CAMK2G: variants seen among roughly 807,000 people sequenced by gnomAD.
The protein encoded by CAMK2G is calcium/calmodulin-dependent protein kinase type II subunit gamma.
In CAMK2G, 23 loss-of-function variants were observed where a neutral mutation model predicts 88.7. That is an observed-to-expected ratio of 0.26 (90% CI 0.19 to 0.37). The LOEUF (loss-of-function observed/expected upper bound fraction) is 0.37, where lower values mean the gene tolerates loss of function less well. CAMK2G is among the 10% of genes least tolerant of loss of function. The pLI is 1.00. For missense variants in CAMK2G, 476 were observed against 780.8 expected, an observed-to-expected ratio of 0.61 and a Z score of 4.65; for synonymous variants, 263 against 294.8, an observed-to-expected ratio of 0.89 and a Z score of 1.11.
At position 73,816,760 on chromosome 10, in the gene CAMK2G, G is replaced by A. The variant is rs556263947; in HGVS notation, c.1534+263C>T. On this transcript the variant is annotated intron_variant, in intron 21 of 22. Transcript: ENST00000423381. ...AGGCGTAAGCCACCGCGCCCGGCAA[G>A]AAATAAGTGAGCTTGATTGTGGTGA... 1.5e-4 allele frequency: 213 copies of A among 1,442,152 alleles called. 3 individuals are homozygous for A. In the South Asian group the frequency reaches 2.5e-3, roughly 17 times the overall value. 89.3% of individuals were successfully genotyped at this position (1,442,152 alleles called of 1,614,324 possible).
At chr10:73,873,972 C>T (rs953753530) in intron 1 of CAMK2G, among the ~76,000 whole-genome samples, 2 of 150,318 alleles carry the variant, frequency 1.3e-5, no homozygotes, top group East Asian at 4.0e-4. Flanking sequence ...AACAGCCCCC[C>T]CACGCCCGGG....
At chr10:73,819,762 G>A in intron 18 of CAMK2G, 117 bp from the exon 19 acceptor site, 2 of 631,690 alleles carry the variant, frequency 3.2e-6, no homozygotes, top group Non-Finnish European at 2.7e-6. Flanking sequence ...CAGAGCCGGG[G>A]CAAGGGGACG....
At chr10:73,829,426 C>T (rs1281738307) in intron 14 of CAMK2G, among the ~76,000 whole-genome samples, 1 of 151,862 alleles carries the variant, frequency 6.6e-6, no homozygotes, top group African/African-American at 2.4e-5. Flanking sequence ...TCCTGAGTGG[C>T]TGGGATTACA....
intron 19 of CAMK2G, chr10:73,818,831 ACT>A (rs1283793387): frequency 4.4e-6 from 2 of 456,044 alleles, no homozygotes; most frequent in East Asian, 1.4e-4. Flanking sequence ...GTGCTTAGAA[ACT>A]CTGCAAGGAT....
rs1222651117 is a variant in CAMK2G, at chr10:73,816,832, C to T, written c.1534+191G>A. 2.6e-6 allele frequency: 4 copies of T among 1,559,168 alleles called. No individual in the cohort carries two copies. In the Admixed American group the frequency reaches 7.6e-5, roughly 29 times the overall value. On this transcript the variant is annotated intron_variant, in intron 21 of 22. Coordinates refer to ENST00000423381, the MANE Select transcript of CAMK2G (RefSeq NM_001367534.1). ...TGCAGAATGAATGGCACTTGGAGCT[C>T]AGGAGCAGGGCCTTCAAAGGTGCCT...
chr10:73,843,931 C>G (rs1402808985), intron 10 of CAMK2G, among the ~76,000 whole-genome samples: 5 of 152,190 alleles, frequency 3.3e-5, no homozygotes, highest in African/African-American at 1.2e-4. Context: ...TCAGGGGGAT[C>G]ATGGTCATCC....
chr10:73,817,867 A>G (rs2086244503), intron 19 of CAMK2G: 5 of 412,100 alleles, frequency 1.2e-5, no homozygotes, highest in Middle Eastern at 6.7e-4. Context: ...AGCCTGGTAC[A>G]TCGTGAATGC....
At chr10:73,849,447 A>G (rs1223132235) in intron 5 of CAMK2G, 114 bp from the exon 6 acceptor site, 1 of 700,686 alleles carries the variant, frequency 1.4e-6, no homozygotes, top group African/African-American at 1.8e-5. Flanking sequence ...ATTCACAGAG[A>G]ATCACTTAAC....
chr10:73,818,864 GCAGA>G (rs1305514189), intron 19 of CAMK2G: 1 of 455,906 alleles, frequency 2.2e-6, no homozygotes, highest in African/African-American at 2.0e-5. Context: ...AGGAAAAGCA[GCAGA>G]CAAAGGCATC....
chr10:73,857,340 G>T (rs757111789), intron 3 of CAMK2G, among the ~76,000 whole-genome samples: 5 of 152,024 alleles, frequency 3.3e-5, no homozygotes, highest in Non-Finnish European at 7.4e-5. Flanking sequence ...TCCACGAAGG[G>T]ACCCAGATAA....
chr10:73,826,716 C>T (rs2091054406), intron 15 of CAMK2G, among the ~76,000 whole-genome samples: 1 of 152,204 alleles, frequency 6.6e-6, no homozygotes, highest in Non-Finnish European at 1.5e-5. Flanking sequence ...ACAGATGATA[C>T]ATCGACAGCT....
intron 14 of CAMK2G, among the ~76,000 whole-genome samples, chr10:73,830,964 C>T (rs1199893499): frequency 6.6e-6 from 1 of 152,136 alleles, no homozygotes; most frequent in Non-Finnish European, 1.5e-5. Context: ...AAGAAGAATC[C>T]ATGATGCTGA....
At chr10:73,822,414 C>T (rs1038493736) in intron 17 of CAMK2G, among the ~76,000 whole-genome samples, 6 of 152,152 alleles carry the variant, frequency 3.9e-5, no homozygotes, top group African/African-American at 1.2e-4. Flanking sequence ...CTGATCCACT[C>T]GCCTCGGCCT....
chr10:73,864,353 C>T (rs1021046876), intron 2 of CAMK2G, among the ~76,000 whole-genome samples: 2 of 151,854 alleles, frequency 1.3e-5, no homozygotes, highest in African/African-American at 4.8e-5. Flanking sequence ...ATTCAAGATG[C>T]TAGGAAGACA....
chr10:73,872,113 C>A (rs1046558357), intron 2 of CAMK2G, among the ~76,000 whole-genome samples: 2 of 152,208 alleles, frequency 1.3e-5, no homozygotes, highest in African/African-American at 4.8e-5. Flanking sequence ...ACTCACCAGA[C>A]CTGTTCCCAG....
intron 14 of CAMK2G, among the ~76,000 whole-genome samples, chr10:73,833,219 T>C (rs1272162717): frequency 1.3e-5 from 2 of 151,774 alleles, no homozygotes; most frequent in African/African-American, 2.4e-5. Flanking sequence ...CAACTTGGCC[T>C]CACAAAGTGC....
rs886613636 is a variant in CAMK2G, at chr10:73,848,620, A to G, written c.518-11T>C. 1.9e-6 allele frequency: 3 copies of G among 1,548,830 alleles called. No homozygotes were observed. Among genetic ancestry groups the G allele is most frequent in the African/African-American group, 2.7e-5 (2 of 73,652 alleles). On this transcript the variant is annotated splice_polypyrimidine_tract_variant and intron_variant, in intron 7 of 22. Transcript: ENST00000423381. The surrounding 1 kb of genome is among the most constrained non-coding windows in gnomAD (Gnocchi z 4.5). ...GGGTGCCAGCAAAACCTGTAGCAAAAGAGAGGGCAGAGGCATACTGAACCC... is the reference window on the plus strand; with the variant it reads ...GGGTGCCAGCAAAACCTGTAGCAAAGGAGAGGGCAGAGGCATACTGAACCC...
chr10:73,842,293 TAGAGCCTGA>T lies in CAMK2G; in HGVS notation c.904-91_904-83del, dbSNP rs1195402675. ...GTCTCAGGCAAAGGCAGGTCCTGGCTAGAGCCTGAAGACATCAGGCCTCTGGGCCCCCTC... is the reference window on the plus strand; with the variant it reads ...GTCTCAGGCAAAGGCAGGTCCTGGCTAGACATCAGGCCTCTGGGCCCCCTC... On this transcript the variant is annotated intron_variant, in intron 11 of 22. Coordinates refer to ENST00000423381, the MANE Select transcript of CAMK2G (RefSeq NM_001367534.1). The surrounding 1 kb of genome is among the most constrained non-coding windows in gnomAD (Gnocchi z 4.6). 4 of 1,299,758 alleles carry T rather than the reference TAGAGCCTGA, an allele frequency of 3.1e-6. No homozygotes were observed. The highest frequency in any genetic ancestry group is 1.7e-5 in the Admixed American group (1 of 59,512). The allele number at this position is 1,299,758 out of a possible 1,614,324, so 80.5% of individuals were successfully genotyped here.
Position 73,847,020 on chromosome 10 carries a change from A to G in CAMK2G, c.819+205T>C. ...GACAGCCATGAGTGGGGGAGAGAGGAGCAGTGGCCCACCAGCCCCATCAGC... is the reference window on the plus strand; with the variant it reads ...GACAGCCATGAGTGGGGGAGAGAGGGGCAGTGGCCCACCAGCCCCATCAGC... On this transcript the variant is annotated intron_variant, in intron 10 of 22. Transcript: ENST00000423381. 1.3e-5 allele frequency: 7 copies of G among 559,254 alleles called. No individual in the cohort carries two copies. The South Asian group carries it at 1.4e-4, about 11-fold the overall frequency. 34.6% of individuals were successfully genotyped at this position (559,254 alleles called of 1,614,324 possible). A position where few individuals can be genotyped will look rare whatever the true frequency, so the allele number is the denominator to read the frequency against.
Sources: gnomAD v4.1 joint callset for allele counts (sites outside exome capture counted in the v4.1 genomes callset) on GRCh38, gnomAD v4.1.1 for gene constraint, Gnocchi (gnomAD v3.1) non-coding constraint, MANE v1.5 for transcripts, NCBI Gene and HGNC (gene_info 2026-07-23, HGNC 2026-07-21) for gene names.